Variants in ZNF644 observed in about 807,000 individuals in gnomAD.
ZNF644 encodes zinc finger protein 644.
In ZNF644, 20 loss-of-function variants were observed where a neutral mutation model predicts 108.0. The observed-to-expected ratio is 0.19, with a 90% CI of 0.13 to 0.27. ZNF644 has a LOEUF of 0.27. ZNF644 is among the 10% of genes least tolerant of loss of function. ZNF644 has a pLI of 1.00. For missense variants in ZNF644, 1,338 were observed against 1,548.9 expected, an observed-to-expected ratio of 0.86 and a Z score of 2.29; for synonymous variants, 542 against 539.1, an observed-to-expected ratio of 1.01 and a Z score of -0.08.
chr1:90,980,885 G>T (rs939925300), intron 2 of ZNF644, among the ~76,000 whole-genome samples: 1 of 152,026 alleles, frequency 6.6e-6, no homozygotes, highest in Non-Finnish European at 1.5e-5. Flanking sequence ...CTAGATGGTG[G>T]TTACACATAT....
intron 1 of ZNF644, among the ~76,000 whole-genome samples, chr1:90,990,004 C>A (rs575200555): frequency 8.4e-6 from 1 of 118,440 alleles, no homozygotes; most frequent in South Asian, 2.9e-4. Context: ...AATTGTGTCA[C>A]ATGCTATAGC....
At chr1:91,018,975 G>T (rs1284337954) in intron 1 of ZNF644, among the ~76,000 whole-genome samples, 1 of 152,156 alleles carries the variant, frequency 6.6e-6, no homozygotes, top group African/African-American at 2.4e-5. Flanking sequence ...AAATGAAAGT[G>T]TAAGTAAATC....
At chr1:90,919,760 A>G (rs1353546579) in intron 4 of ZNF644, among the ~76,000 whole-genome samples, 3 of 152,100 alleles carry the variant, frequency 2.0e-5, no homozygotes, top group African/African-American at 7.2e-5. Context: ...GGAACTCAAC[A>G]AATACTTCTG....
At chr1:90,920,885 C>T (rs534718285) in intron 4 of ZNF644, among the ~76,000 whole-genome samples, 1 of 152,142 alleles carries the variant, frequency 6.6e-6, no homozygotes, top group East Asian at 1.9e-4. Context: ...TTCATCAATT[C>T]TAGATTTATT....
At position 90,916,919 on chromosome 1, in the gene ZNF644, A is replaced by G. The variant is rs534267078; in HGVS notation, c.3863T>C (p.Ile1288Thr). The G allele has an allele frequency of 8.1e-6, 13 of 1,614,192 alleles. No individual in the cohort carries two copies. The South Asian group carries it at 1.1e-4, about 14-fold the overall frequency. ...EDWIKHLQRH[I>T]VNANLPRTGA... ...AGTCCGTGGAAGATTAGCGTTTACA[A>G]TATGTCGTTGTAAGTGCTTAATCCA... Residue 1288 changes from isoleucine (I) to threonine (T), a missense_variant, in exon 6 of 6, where the codon ATT becomes ACT. By Grantham distance (89) the Ile-to-Thr change is moderately conservative. Coordinates refer to ENST00000337393, the MANE Select transcript of ZNF644 (RefSeq NM_201269.3).
At chr1:90,979,119 A>T (rs1656291231) in intron 2 of ZNF644, among the ~76,000 whole-genome samples, 1 of 152,220 alleles carries the variant, frequency 6.6e-6, no homozygotes, top group Non-Finnish European at 1.5e-5. Flanking sequence ...ACACAGAAAA[A>T]AAAAGAACCA....
intron 2 of ZNF644, among the ~76,000 whole-genome samples, chr1:90,978,017 T>C (rs1656177400): frequency 1.3e-5 from 2 of 152,204 alleles, no homozygotes; most frequent in Non-Finnish European, 2.9e-5. Flanking sequence ...TATTTGCTCA[T>C]AAGGTCACAT....
intron 4 of ZNF644, among the ~76,000 whole-genome samples, chr1:90,926,439 G>A (rs1468710347): frequency 6.6e-6 from 1 of 152,150 alleles, no homozygotes; most frequent in East Asian, 1.9e-4. Flanking sequence ...TGAAGGGCTT[G>A]CTTTTGGTCT....
chr1:90,951,961 A>G (rs1452284723), intron 2 of ZNF644, among the ~76,000 whole-genome samples: 2 of 152,214 alleles, frequency 1.3e-5, no homozygotes, highest in East Asian at 1.9e-4. Flanking sequence ...AGCAAAGCAC[A>G]TAATAGGAAA....
chr1:91,005,113 C>A (rs545909149), intron 1 of ZNF644, among the ~76,000 whole-genome samples: 2 of 151,852 alleles, frequency 1.3e-5, no homozygotes, highest in African/African-American at 2.4e-5. Flanking sequence ...TAAATAGATA[C>A]AAATAAACTG....
intron 2 of ZNF644, among the ~76,000 whole-genome samples, chr1:90,973,558 A>G (rs1655710265): frequency 1.3e-5 from 2 of 152,196 alleles, no homozygotes; most frequent in African/African-American, 2.4e-5. Context: ...TAAATGTTAA[A>G]TAAGTCTGCA....
intron 1 of ZNF644, among the ~76,000 whole-genome samples, chr1:90,994,425 G>A (rs964434957): frequency 6.6e-6 from 1 of 152,142 alleles, no homozygotes; most frequent in Admixed American, 6.5e-5. Flanking sequence ...TGAGAAAACA[G>A]CTAGAAATTT....
chr1:90,967,260 C>T (rs777840760), intron 2 of ZNF644, among the ~76,000 whole-genome samples: 3 of 152,124 alleles, frequency 2.0e-5, no homozygotes, highest in East Asian at 1.9e-4. Context: ...AGCCCTCCAT[C>T]GCACAAATCT....
intron 2 of ZNF644, among the ~76,000 whole-genome samples, chr1:90,958,232 T>TAAAAAAAAAAAAAACAA: frequency 2.4e-5 from 1 of 41,388 alleles, no homozygotes; most frequent in Non-Finnish European, 4.8e-5. Context: ...GCAAAACTCC[T>TAAAAAAAAAAAAAACAA]AAAAAAAAAA....
chr1:90,943,315 C>T (rs1480446762), intron 2 of ZNF644, among the ~76,000 whole-genome samples: 1 of 152,030 alleles, frequency 6.6e-6, no homozygotes, highest in Non-Finnish European at 1.5e-5. Context: ...GTGGTGGGTG[C>T]CTGTAGTCCC....
intron 1 of ZNF644, 154 bp downstream of exon 1, chr1:91,021,836 G>A (rs567743928): frequency 1.3e-5 from 5 of 397,068 alleles, no homozygotes; most frequent in African/African-American, 1.0e-4. Flanking sequence ...GGATGGCTGG[G>A]ACCCAGCCTA....
intron 5 of ZNF644, 66 bp from the exon 6 acceptor site, chr1:90,917,056 A>G (rs964293622): frequency 3.4e-5 from 51 of 1,488,754 alleles, no homozygotes; most frequent in Non-Finnish European, 4.7e-5. Flanking sequence ...TTCACACAAA[A>G]TCCTAAAACA....
chr1:90,956,826 C>A (rs1374643589), intron 2 of ZNF644, among the ~76,000 whole-genome samples: 4 of 151,936 alleles, frequency 2.6e-5, no homozygotes. Context: ...AAAACAAAAA[C>A]AAGAAACCCC....
chr1:91,020,127 C>T (rs1382943274), intron 1 of ZNF644, among the ~76,000 whole-genome samples: 1 of 152,106 alleles, frequency 6.6e-6, no homozygotes, highest in Non-Finnish European at 1.5e-5. Flanking sequence ...TTTGATATTG[C>T]TTCCACTGTA....
Sources: allele counts gnomAD v4.1 joint callset (sites outside exome capture counted in the v4.1 genomes callset), GRCh38; gene constraint gnomAD v4.1.1; transcripts MANE v1.5; gene names NCBI Gene and HGNC (gene_info 2026-07-23, HGNC 2026-07-21).